Variants in EPB41L2 observed in about 807,000 individuals in gnomAD.
EPB41L2 encodes the protein band 4.1-like protein 2.
Under a neutral mutation model 113.0 loss-of-function variants are expected in EPB41L2, and 43 were observed. The ratio of observed to expected loss-of-function variants is 0.38; its 90% CI spans 0.30 to 0.49. The LOEUF (loss-of-function observed/expected upper bound fraction) is 0.49. EPB41L2 is among the 20% of genes least tolerant of loss of function. EPB41L2 has a pLI of 0.95. For synonymous variants in EPB41L2, 442 were observed against 436.7 expected, an observed-to-expected ratio of 1.01 and a Z score of -0.15; for missense variants, 1,147 against 1,223.4, an observed-to-expected ratio of 0.94 and a Z score of 0.93.
intron 15 of EPB41L2, 170 bp from the exon 16 acceptor site, chr6:130,867,751 T>C: frequency 1.2e-6 from 1 of 808,282 alleles, no homozygotes; most frequent in South Asian, 1.7e-5. Flanking sequence ...AAAGAAAAAT[T>C]TTCCTTCAAA....
At position 130,880,214 on chromosome 6, in the gene EPB41L2, A is replaced by G; in HGVS notation, c.1834-8T>C. On this transcript the variant is annotated splice_region_variant and splice_polypyrimidine_tract_variant and intron_variant, in intron 12 of 19. Transcript: ENST00000337057. Reference sequence around the variant, plus strand: ...TACTCTCAAGGAATTTTTCTGTGAAATTAAATCACACACAGGGGGGAAAAG... The same window carrying G: ...TACTCTCAAGGAATTTTTCTGTGAAGTTAAATCACACACAGGGGGGAAAAG... 6.3e-7 allele frequency: 1 copy of G among 1,598,318 alleles called. No individual in the cohort carries two copies. The highest frequency in any genetic ancestry group is 1.1e-5 in the South Asian group (1 of 90,590).
At chr6:130,908,800 A>G in intron 5 of EPB41L2, 21 bp downstream of exon 5, 1 of 1,568,838 alleles carries the variant, frequency 6.4e-7, no homozygotes, top group Non-Finnish European at 8.7e-7. Flanking sequence ...AACTTCAAAG[A>G]ATGATTATTT....
chr6:131,040,962 C>A (rs532618722), intron 1 of EPB41L2, among the ~76,000 whole-genome samples: 1 of 152,220 alleles, frequency 6.6e-6, no homozygotes, highest in East Asian at 1.9e-4. Context: ...TGCATCTCTC[C>A]AACAGTTCAC....
intron 3 of EPB41L2, among the ~76,000 whole-genome samples, chr6:130,935,474 T>A (rs946018287): frequency 6.6e-6 from 1 of 152,168 alleles, no homozygotes; most frequent in African/African-American, 2.4e-5. Context: ...ATTAATCTCA[T>A]AAGCAACTCG....
Position 131,010,557 on chromosome 6 carries a change from T to A in EPB41L2, c.-15+52598A>T, listed in dbSNP as rs1001948849. On this transcript the variant is annotated intron_variant, in intron 1 of 19. Transcript: ENST00000337057. ...CCTCCCAAGTAGCTGGGATTATGGGTACACACCACCATGCCCAGCTAATTT... is the reference window on the plus strand; with the variant it reads ...CCTCCCAAGTAGCTGGGATTATGGGAACACACCACCATGCCCAGCTAATTT... Among the ~76,000 whole-genome samples, 4 of 151,840 alleles carry A rather than the reference T, an allele frequency of 2.6e-5. No homozygotes were observed. The South Asian group carries it at 6.2e-4, about 24-fold the overall frequency.
At chr6:131,005,849 T>C (rs1306794668) in intron 1 of EPB41L2, among the ~76,000 whole-genome samples, 1 of 152,118 alleles carries the variant, frequency 6.6e-6, no homozygotes, top group Non-Finnish European at 1.5e-5. Flanking sequence ...CATTTTTAAA[T>C]GACTATGTGA....
chr6:131,051,427 A>G (rs1173170656), intron 1 of EPB41L2, among the ~76,000 whole-genome samples: 1 of 150,684 alleles, frequency 6.6e-6, no homozygotes, highest in Non-Finnish European at 1.5e-5. Flanking sequence ...GTTTTCTTAC[A>G]AGGAACAAAT....
chr6:131,045,267 TAA>T (rs1795191673), intron 1 of EPB41L2, among the ~76,000 whole-genome samples: 1 of 140,740 alleles, frequency 7.1e-6, no homozygotes, highest in African/African-American at 2.6e-5. Flanking sequence ...CTAAATATTC[TAA>T]GTCAATGCAA....
chr6:130,934,132 G>A (rs926505603), intron 3 of EPB41L2, among the ~76,000 whole-genome samples: 4 of 152,082 alleles, frequency 2.6e-5, no homozygotes, highest in African/African-American at 4.8e-5. Flanking sequence ...AAAACCATAC[G>A]GAAGAAGAGA....
intron 1 of EPB41L2, among the ~76,000 whole-genome samples, chr6:131,033,328 C>T (rs969638966): frequency 1.3e-5 from 2 of 152,114 alleles, no homozygotes; most frequent in Non-Finnish European, 2.9e-5. Flanking sequence ...AAATAAAACC[C>T]TTATGAGTTG....
chr6:130,938,844 A>T (rs1338884616), intron 3 of EPB41L2, among the ~76,000 whole-genome samples: 15 of 152,194 alleles, frequency 9.9e-5, no homozygotes, highest in Non-Finnish European at 2.1e-4. Context: ...CAAACTGCTG[A>T]TCCTCTGTTA....
In EPB41L2 at chr6:130,904,403, G is replaced by A; in HGVS notation, c.929+62C>T. ...TCCTGAAATTACCACTATGCTCCCA[G>A]GGCACAAAAATAAACGAGAGCTGTA... On this transcript the variant is annotated intron_variant, in intron 6 of 19. Transcript: ENST00000337057. 2.5e-6 allele frequency: 3 copies of A among 1,200,406 alleles called. No individual in the cohort carries two copies. The Admixed American group carries it at 5.9e-5, about 23-fold the overall frequency. The allele number at this position is 1,200,406 out of a possible 1,614,324, so 74.4% of individuals were successfully genotyped here. A position where few individuals can be genotyped will look rare whatever the true frequency, so the allele number is the denominator to read the frequency against.
chr6:130,954,148 G>T, intron 3 of EPB41L2, among the ~76,000 whole-genome samples: 1 of 142,190 alleles, frequency 7.0e-6, no homozygotes, highest in East Asian at 2.2e-4. Flanking sequence ...CGCCTCCCGG[G>T]TTCACGCCAT....
intron 1 of EPB41L2, among the ~76,000 whole-genome samples, chr6:130,958,628 A>G (rs538347176): frequency 6.6e-6 from 1 of 152,336 alleles, no homozygotes; most frequent in African/African-American, 2.4e-5. Context: ...TGTGTCAGGC[A>G]TAGGGAGTTG....
intron 3 of EPB41L2, among the ~76,000 whole-genome samples, chr6:130,936,009 A>T (rs1742967456): frequency 6.6e-6 from 1 of 152,262 alleles, no homozygotes; most frequent in African/African-American, 2.4e-5. Flanking sequence ...ACATGTAAAT[A>T]CCCACAAATT....
At chr6:131,020,377 G>A (rs948618977) in intron 1 of EPB41L2, among the ~76,000 whole-genome samples, 2 of 151,938 alleles carry the variant, frequency 1.3e-5, no homozygotes, top group Non-Finnish European at 2.9e-5. Context: ...GTAATTTAAA[G>A]CTAAGCATCT....
At chr6:130,983,338 T>C (rs1172220227) in intron 1 of EPB41L2, among the ~76,000 whole-genome samples, 2 of 152,172 alleles carry the variant, frequency 1.3e-5, no homozygotes, top group Non-Finnish European at 2.9e-5. Flanking sequence ...ATGAGGATCA[T>C]GTTTTTGAGA....
chr6:130,877,149 A>C (rs2128460755), intron 14 of EPB41L2, among the ~76,000 whole-genome samples: 1 of 152,344 alleles, frequency 6.6e-6, no homozygotes, highest in East Asian at 1.9e-4. Context: ...GCACAAACTT[A>C]GAAATTTAAA....
At chr6:131,010,482 G>A (rs565195783) in intron 1 of EPB41L2, among the ~76,000 whole-genome samples, 62 of 150,562 alleles carry the variant, frequency 4.1e-4, no homozygotes, top group South Asian at 1.5e-3. Context: ...GTGCAATCTC[G>A]GCTCACTGCA....
Sources: gnomAD v4.1 joint callset for allele counts (sites outside exome capture counted in the v4.1 genomes callset) on GRCh38, gnomAD v4.1.1 for gene constraint, MANE v1.5 for transcripts, NCBI Gene and HGNC (gene_info 2026-07-23, HGNC 2026-07-21) for gene names.